Variants in SUGP2 observed in about 807,000 individuals in gnomAD.
The protein encoded by SUGP2 is SURP and G-patch domain containing 2, also known as SURP and G-patch domain-containing protein 2.
SUGP2 carries 24 observed loss-of-function variants against 90.5 expected under a neutral mutation model. The observed-to-expected ratio is 0.27, with a 90% CI of 0.19 to 0.37. SUGP2 has a LOEUF of 0.37. Ranked by LOEUF, SUGP2 falls within the 10% of genes least tolerant of loss-of-function variation. SUGP2 has a pLI of 1.00. For missense variants in SUGP2, 1,233 were observed against 1,363.3 expected, an observed-to-expected ratio of 0.90 and a Z score of 1.51; for synonymous variants, 473 against 513.4, an observed-to-expected ratio of 0.92 and a Z score of 1.06.
intron 4 of SUGP2, 48 bp from the exon 5 acceptor site, chr19:19,010,390 G>A: frequency 6.3e-7 from 1 of 1,581,876 alleles, no homozygotes; most frequent in Non-Finnish European, 8.6e-7. Context: ...AACACCACCA[G>A]GTCCCAAATT....
At chr19:18,995,695 G>C (rs1371178640) in intron 8 of SUGP2, among the ~76,000 whole-genome samples, 1 of 152,104 alleles carries the variant, frequency 6.6e-6, no homozygotes, top group African/African-American at 2.4e-5. Flanking sequence ...GGCAGGATGG[G>C]GGCCAGACAG....
At chr19:19,001,805 C>T in intron 7 of SUGP2, 131 bp from the exon 8 acceptor site, 1 of 849,330 alleles carries the variant, frequency 1.2e-6, no homozygotes, top group Non-Finnish European at 1.9e-6. Context: ...CTCTGCATGG[C>T]AGCTGCTGAG....
At position 18,992,787 on chromosome 19, in the gene SUGP2, C is replaced by T. The variant is rs1031730479; in HGVS notation, c.*954G>A. On this transcript the variant is annotated 3_prime_UTR_variant, in exon 11 of 11. Coordinates refer to ENST00000452918, the MANE Select transcript of SUGP2 (RefSeq NM_001017392.5). ...TAAGTTTTCCAGATTTTTGCCCATA[C>T]TTAAAACTTCAACGATCCTGCTTCA... is the stretch of plus-strand genomic sequence containing the variant. 6.6e-6 allele frequency: 1 copy of T among 152,142 alleles called. No homozygotes were observed. Among genetic ancestry groups the T allele is most frequent in the African/African-American group, 2.4e-5 (1 of 41,416 alleles). The allele number at this position is 152,142 out of a possible 1,614,324, so 9.4% of individuals were successfully genotyped here.
rs533948477 is a variant in SUGP2 at position 18,995,335 on chromosome 19, G to C, written c.2992-55C>G. ...GGCCACAGGGAGATGCCTGGATCAA[G>C]GGTCTGTCCTAGGCTATGCCTGGAG... On this transcript the variant is annotated intron_variant, in intron 8 of 10. Coordinates refer to ENST00000452918, the MANE Select transcript of SUGP2 (RefSeq NM_001017392.5). The C allele has an allele frequency of 2.6e-6, 4 of 1,541,790 alleles. No individual in the cohort carries two copies. The South Asian group carries it at 5.0e-5, about 19-fold the overall frequency.
chr19:19,024,645 G>C lies in SUGP2; in HGVS notation c.1703C>G (p.Ala568Gly), dbSNP rs765310527. The C allele has an allele frequency of 3.7e-6, 6 of 1,613,954 alleles. No homozygotes were observed. In the African/African-American group the frequency reaches 8.0e-5, roughly 22 times the overall value. Residue 568 changes from alanine to glycine, a missense_variant, in exon 3 of 11, where the codon GCC becomes GGC. Physicochemically the swap from Ala to Gly is moderately conservative, Grantham distance 60 (BLOSUM62 0). This residue lies in a region of SUGP2 where 540 missense variants were observed against 542.6 expected (regional missense o/e 1.00). Transcript: ENST00000452918. ...ATCACTCAGACTACTTGGAGCCTTG[G>C]CCTGAATTTCAGGTTTCGTAGGAGG... ...MIPPTKPEIQ[A>G]KAPSSLSDAV...
At chr19:19,032,156 CTTTTTT>C (rs71168792) in intron 1 of SUGP2, among the ~76,000 whole-genome samples, 1 of 143,678 alleles carries the variant, frequency 7.0e-6, no homozygotes, top group African/African-American at 2.6e-5. Context: ...AGAGATCAAT[CTTTTTT>C]TTTTTTTTCT....
intron 6 of SUGP2, 61 bp downstream of exon 6, chr19:19,008,256 T>A: frequency 7.3e-7 from 1 of 1,371,614 alleles, no homozygotes; most frequent in South Asian, 1.2e-5. Flanking sequence ...CTAAGCAACA[T>A]CCTTAGACTT....
intron 10 of SUGP2, 29 bp downstream of exon 10, chr19:18,994,337 C>G (rs754576788): frequency 1.9e-6 from 3 of 1,603,980 alleles, no homozygotes; most frequent in Non-Finnish European, 2.6e-6. Context: ...CGAGGGCAGA[C>G]GGCCTTACAC....
chr19:18,990,980 C>T lies in SUGP2; in HGVS notation c.*2761G>A, dbSNP rs1428801640. ...CTTAAAAAACAGAAACAAAAGAAAA[C>T]TTCCATTTTGTAACATCACAAATGT... is the stretch of plus-strand genomic sequence containing the variant. On this transcript the variant is annotated 3_prime_UTR_variant, in exon 11 of 11. Coordinates refer to ENST00000452918, the MANE Select transcript of SUGP2 (RefSeq NM_001017392.5). The T allele has an allele frequency of 6.6e-6, 1 of 152,364 alleles. No individual in the cohort carries two copies. The highest frequency in any genetic ancestry group is 2.1e-4 in the South Asian group (1 of 4,830). The allele number at this position is 152,364 out of a possible 1,614,324, so 9.4% of individuals were successfully genotyped here. A position where few individuals can be genotyped will look rare whatever the true frequency, so the allele number is the denominator to read the frequency against.
At chr19:19,016,926 A>C (rs1460619587) in intron 4 of SUGP2, among the ~76,000 whole-genome samples, 1 of 152,242 alleles carries the variant, frequency 6.6e-6, no homozygotes, top group Non-Finnish European at 1.5e-5. Flanking sequence ...ACATGAAAAT[A>C]ATCCAAACTC....
At chr19:19,021,240 G>A (rs1229912204) in intron 3 of SUGP2, among the ~76,000 whole-genome samples, 8 of 151,226 alleles carry the variant, frequency 5.3e-5, no homozygotes, top group Admixed American at 2.0e-4. Context: ...CTGAACTAGC[G>A]AGGTTTTCCA....
At chr19:19,017,062 T>C (rs1028236358) in intron 4 of SUGP2, among the ~76,000 whole-genome samples, 2 of 152,152 alleles carry the variant, frequency 1.3e-5, no homozygotes, top group African/African-American at 4.8e-5. Context: ...ACAGCAAGCA[T>C]AGCAAGTCCA....
At chr19:18,997,704 A>C (rs986844372) in intron 8 of SUGP2, among the ~76,000 whole-genome samples, 5 of 148,082 alleles carry the variant, frequency 3.4e-5, no homozygotes, top group Non-Finnish European at 7.4e-5. Flanking sequence ...AATCCCTTGA[A>C]CCTGGGAGGC....
At chr19:19,008,241 C>T in intron 6 of SUGP2, 76 bp downstream of exon 6, 1 of 1,261,084 alleles carries the variant, frequency 7.9e-7, no homozygotes, top group Non-Finnish European at 1.2e-6. Flanking sequence ...GAATTCAAAT[C>T]CAGCCTAAGC....
Position 19,010,194 on chromosome 19 carries a change from C to A in SUGP2, c.1999G>T (p.Val667Phe). 1 of 1,613,926 alleles carries A rather than the reference C, an allele frequency of 6.2e-7. No individual in the cohort carries two copies. The highest frequency in any genetic ancestry group is 8.5e-7 in the Non-Finnish European group (1 of 1,179,986). Residue 667 changes from valine (V) to phenylalanine (F), a missense_variant, in exon 5 of 11, where the codon GTC becomes TTC. By Grantham distance (50) the Val-to-Phe change is conservative. Around this residue, in one of 8 missense-constraint regions of SUGP2, gnomAD observed 540 missense variants for 542.6 expected, o/e 1.00. Coordinates refer to ENST00000452918, the MANE Select transcript of SUGP2 (RefSeq NM_001017392.5). ...AVRAMLYSRAVRNLKKKLLPW... is the reference protein window; with the variant it reads ...AVRAMLYSRAFRNLKKKLLPW... ...AGGAGTTTCTTCTTGAGGTTGCGGA[C>A]AGCCCGGGAGTACAGCATGGCCCTC...
chr19:19,019,290 G>C (rs1599524103), intron 3 of SUGP2, 61 bp from the exon 4 acceptor site: 1 of 1,560,954 alleles, frequency 6.4e-7, no homozygotes, highest in Non-Finnish European at 8.7e-7. Context: ...GAGAAGACGA[G>C]GATAGTTGAG....
At chr19:19,005,804 AG>A (rs1265001000) in intron 6 of SUGP2, among the ~76,000 whole-genome samples, 1 of 151,494 alleles carries the variant, frequency 6.6e-6, no homozygotes, top group African/African-American at 2.4e-5. Context: ...CCACCCAAGT[AG>A]TTAGGACCAC....
Position 19,004,469 on chromosome 19 carries a change from G to A in SUGP2, c.2628C>T (p.Asp876=), listed in dbSNP as rs76482020. 655 of 1,614,150 alleles carry A rather than the reference G, an allele frequency of 4.1e-4. 2 individuals are homozygous for A. In the African/African-American group the frequency reaches 7.7e-3, roughly 19 times the overall value. ...GCTCAGCCTCCCGCGGAGGGGGCTC[G>A]TCTTCAAACTCTGCTTCCCCTTCCA... The part of the protein sequence containing the change: ...DLMEGEAEFE[D]EPPPREAELE... Residue 876 remains aspartate, a synonymous_variant, in exon 7 of 11, where the codon GAC becomes GAT. Coordinates refer to ENST00000452918, the MANE Select transcript of SUGP2 (RefSeq NM_001017392.5).
intron 8 of SUGP2, among the ~76,000 whole-genome samples, chr19:18,996,748 C>T (rs928228260): frequency 5.3e-5 from 8 of 152,280 alleles, no homozygotes; most frequent in African/African-American, 7.2e-5. Context: ...GACGGGGTTT[C>T]GCCATGTTAA....
Sources: allele counts gnomAD v4.1 joint callset (sites outside exome capture counted in the v4.1 genomes callset), GRCh38; gene constraint gnomAD v4.1.1; regional missense constraint gnomAD v4.1.1; transcripts MANE v1.5; gene names NCBI Gene and HGNC (gene_info 2026-07-23, HGNC 2026-07-21).